Variants in ADAMTS17 observed in about 807,000 individuals in gnomAD.
ADAMTS17 encodes A disintegrin and metalloproteinase with thrombospondin motifs 17.
In ADAMTS17, 113 loss-of-function variants were observed where a neutral mutation model predicts 141.5. The ratio of observed to expected loss-of-function variants is 0.80; its 90% CI spans 0.69 to 0.93. ADAMTS17 has a LOEUF of 0.93. Among genes scored for constraint, ADAMTS17 ranks in the 40% least tolerant of loss-of-function variants. The pLI, the probability that ADAMTS17 is intolerant of heterozygous loss-of-function variation, is 0.00. For missense variants in ADAMTS17, 1,659 were observed against 1,517.9 expected, an observed-to-expected ratio of 1.09 and a Z score of -1.54; for synonymous variants, 768 against 630.6, an observed-to-expected ratio of 1.22 and a Z score of -3.27.
chr15:100,027,094 G>A (rs1242827588), intron 18 of ADAMTS17, among the ~76,000 whole-genome samples: 3 of 152,122 alleles, frequency 2.0e-5, no homozygotes, highest in African/African-American at 7.2e-5. Context: ...ACAGTCGGGA[G>A]GTGCAGAAGT....
intron 3 of ADAMTS17, among the ~76,000 whole-genome samples, chr15:100,283,550 T>C (rs537288518): frequency 6.6e-6 from 1 of 152,358 alleles, no homozygotes; most frequent in East Asian, 1.9e-4. Context: ...CCGCCGCCCT[T>C]CTCAAAGTCA....
chr15:100,186,297 C>T (rs76108943), intron 8 of ADAMTS17, among the ~76,000 whole-genome samples: 15,134 of 152,230 alleles, frequency 0.099, 888 homozygotes, highest in East Asian at 0.29. Context: ...TCAACATTGA[C>T]AAAGGGCTTG....
chr15:100,336,317 C>T (rs140396135), intron 2 of ADAMTS17, among the ~76,000 whole-genome samples: 1 of 152,268 alleles, frequency 6.6e-6, no homozygotes, highest in South Asian at 2.1e-4. Flanking sequence ...AGGACAAAGG[C>T]GGACAAAGAG....
At chr15:100,138,912 A>G (rs2038476549) in intron 10 of ADAMTS17, among the ~76,000 whole-genome samples, 2 of 152,208 alleles carry the variant, frequency 1.3e-5, no homozygotes, top group Admixed American at 1.3e-4. Flanking sequence ...AAATGCTTTA[A>G]TATACATTTT....
intron 15 of ADAMTS17, among the ~76,000 whole-genome samples, chr15:100,081,045 G>T (rs1010781790): frequency 2.6e-5 from 4 of 152,164 alleles, no homozygotes; most frequent in African/African-American, 9.7e-5. Flanking sequence ...TGTCTGTGAG[G>T]GTGTTGCCAA....
At chr15:100,257,371 G>A (rs748805589) in intron 6 of ADAMTS17, among the ~76,000 whole-genome samples, 4 of 152,208 alleles carry the variant, frequency 2.6e-5, no homozygotes, top group Non-Finnish European at 5.9e-5. Flanking sequence ...GGCCTCCCCC[G>A]TCCTTCAAGG....
chr15:100,034,204 G>A lies in ADAMTS17; in HGVS notation c.2591+14653C>T, dbSNP rs182496196. Among the ~76,000 whole-genome samples, 15 of 152,370 alleles carry A rather than the reference G, an allele frequency of 9.8e-5. 1 individual carries two copies. The highest frequency in any genetic ancestry group is 3.1e-4 in the African/African-American group (13 of 41,588). On this transcript the variant is annotated intron_variant, in intron 18 of 21. Transcript: ENST00000268070. ...ACAATTCTCCTGGGAAGAAGCACAA[G>A]GCTGGGATTCTCAAAGTGGTTCACA...
intron 7 of ADAMTS17, among the ~76,000 whole-genome samples, chr15:100,213,734 G>C (rs1195790005): frequency 6.6e-6 from 1 of 152,180 alleles, no homozygotes; most frequent in African/African-American, 2.4e-5. Flanking sequence ...CATAACCTTT[G>C]AGTATCAAAC....
At position 100,247,890 on chromosome 15, in the gene ADAMTS17, C is replaced by T. The variant is rs60444996; in HGVS notation, c.1075+6246G>A. 6.2e-3 allele frequency among the ~76,000 whole-genome samples: 943 copies of T among 151,960 alleles called. 10 individuals carry two copies. The highest frequency in any genetic ancestry group is 0.021 in the Middle Eastern group (6 of 292). On this transcript the variant is annotated intron_variant, in intron 7 of 21. Transcript: ENST00000268070. ...GTCCTGGCCAGCAATATCCCCCACCCGCACTTCCTCCACCCACACGCTCTT... is the reference window on the plus strand; with the variant it reads ...GTCCTGGCCAGCAATATCCCCCACCTGCACTTCCTCCACCCACACGCTCTT...
At chr15:99,990,067 G>A (rs1269695428) in intron 20 of ADAMTS17, among the ~76,000 whole-genome samples, 6 of 152,052 alleles carry the variant, frequency 3.9e-5, no homozygotes, top group Non-Finnish European at 8.8e-5. Context: ...CTTTCTTTTC[G>A]CTCTCTTGAC....
chr15:100,169,522 C>T (rs1327780879), intron 8 of ADAMTS17, among the ~76,000 whole-genome samples: 3 of 152,182 alleles, frequency 2.0e-5, no homozygotes, highest in African/African-American at 7.2e-5. Flanking sequence ...GAACTGAGGC[C>T]AGGAGAAGTT....
intron 20 of ADAMTS17, among the ~76,000 whole-genome samples, chr15:99,987,666 GAATCT>G (rs1232068912): frequency 6.6e-6 from 1 of 152,226 alleles, no homozygotes; most frequent in African/African-American, 2.4e-5. Flanking sequence ...TCATCCCATG[GAATCT>G]AATTAGAGAG....
At position 100,341,114 on chromosome 15, in the gene ADAMTS17, G is replaced by A. The variant is rs2046351021; in HGVS notation, c.375C>T (p.Cys125=). The stretch of plus-strand genomic sequence containing the variant: ...GGCCGAGCACACGGCCCGAGTAGAA[G>A]CACAGCTCGGCGGGGCGGCCGCGGC... ...ARRRGRPAEL[C]FYSGRVLGHP... Residue 125 remains cysteine, a synonymous_variant, in exon 2 of 22, where the codon TGC becomes TGT. Coordinates refer to ENST00000268070, the MANE Select transcript of ADAMTS17 (RefSeq NM_139057.4). 2 of 1,481,744 alleles carry A rather than the reference G, an allele frequency of 1.3e-6. No homozygotes were observed. Among genetic ancestry groups the A allele is most frequent in the South Asian group, 1.3e-5 (1 of 79,302 alleles). The allele number at this position is 1,481,744 out of a possible 1,614,324, so 91.8% of individuals were successfully genotyped here.
At chr15:100,311,704 T>A (rs2045411328) in intron 3 of ADAMTS17, among the ~76,000 whole-genome samples, 1 of 152,150 alleles carries the variant, frequency 6.6e-6, no homozygotes, top group African/African-American at 2.4e-5. Flanking sequence ...ACCCTTTTAT[T>A]TTTTGTTTCA....
chr15:100,285,289 T>C (rs1211344604), intron 3 of ADAMTS17, among the ~76,000 whole-genome samples: 1 of 152,254 alleles, frequency 6.6e-6, no homozygotes, highest in Non-Finnish European at 1.5e-5. Flanking sequence ...CAATTTACTC[T>C]AGACGTTTGG....
chr15:100,036,630 T>G (rs1302601012), intron 18 of ADAMTS17, among the ~76,000 whole-genome samples: 1 of 152,248 alleles, frequency 6.6e-6, no homozygotes, highest in East Asian at 1.9e-4. Context: ...TATACCACAA[T>G]GCAACCATCT....
chr15:100,248,652 T>A (rs1018892739), intron 7 of ADAMTS17, among the ~76,000 whole-genome samples: 1 of 152,210 alleles, frequency 6.6e-6, no homozygotes, highest in Non-Finnish European at 1.5e-5. Flanking sequence ...TGGTGGCTTG[T>A]TCCAGATCCT....
chr15:99,974,567 G>A lies in ADAMTS17; in HGVS notation c.3128-5C>T. Reference sequence around the variant, plus strand: ...TGCATTTGTAGGTCAGAGCAGCTAAGGGGATAGGAGAGAGAATACCCAGGG... The same window carrying A: ...TGCATTTGTAGGTCAGAGCAGCTAAAGGGATAGGAGAGAGAATACCCAGGG... On this transcript the variant is annotated splice_region_variant and splice_polypyrimidine_tract_variant and intron_variant, in intron 21 of 21. Coordinates refer to ENST00000268070, the MANE Select transcript of ADAMTS17 (RefSeq NM_139057.4). 4.3e-6 allele frequency: 7 copies of A among 1,614,240 alleles called. No individual in the cohort carries two copies. The highest frequency in any genetic ancestry group is 1.1e-5 in the South Asian group (1 of 91,080).
intron 3 of ADAMTS17, among the ~76,000 whole-genome samples, chr15:100,313,234 G>T (rs968380543): frequency 1.3e-5 from 2 of 152,064 alleles, no homozygotes; most frequent in African/African-American, 4.8e-5. Context: ...CAATATTATA[G>T]GGCAATATCA....
Sources: allele counts gnomAD v4.1 joint callset (sites outside exome capture counted in the v4.1 genomes callset), GRCh38; gene constraint gnomAD v4.1.1; transcripts MANE v1.5; gene names NCBI Gene and HGNC (gene_info 2026-07-23, HGNC 2026-07-21).